KCNN2: variants seen among roughly 807,000 people sequenced by gnomAD.
KCNN2 encodes potassium calcium-activated channel subfamily N member 2.
Under a neutral mutation model 55.5 loss-of-function variants are expected in KCNN2, and 24 were observed. The ratio of observed to expected loss-of-function variants is 0.43; its 90% confidence interval spans 0.31 to 0.61. The LOEUF is 0.61. KCNN2 is among the 20% of genes least tolerant of loss of function. The pLI, the probability that KCNN2 is intolerant of heterozygous loss-of-function variation, is 0.08. For synonymous variants in KCNN2, 431 were observed against 336.1 expected (o/e 1.28, Z -3.09); for missense variants, 754 against 853.6 (o/e 0.88, Z 1.45).
At chr5:114,425,140 A>G (rs969658881) in intron 3 of KCNN2, among the ~76,000 whole-genome samples, 22 of 152,192 alleles carry the variant, frequency 1.4e-4, no homozygotes, top group African/African-American at 5.3e-4. Flanking sequence ...AAATTCAGTA[A>G]ATGAAAGATA....
exon 1 of KCNN2, chr5:114,056,347 C>T (rs772001120): frequency 3.8e-5 from 15 of 398,494 alleles, no homozygotes; most frequent in Non-Finnish European, 1.3e-5. Flanking sequence ...TGATTCTTCT[C>T]AGATGGAAAC....
At chr5:114,080,566 GAT>G (rs1250725985) in intron 1 of KCNN2, among the ~76,000 whole-genome samples, 4 of 152,120 alleles carry the variant, frequency 2.6e-5, no homozygotes, top group Non-Finnish European at 5.9e-5. Flanking sequence ...CAAACTCGTT[GAT>G]ATATAATTAT....
intron 1 of KCNN2, among the ~76,000 whole-genome samples, chr5:114,119,280 G>A (rs1323524401): frequency 6.6e-6 from 1 of 152,174 alleles, no homozygotes; most frequent in East Asian, 1.9e-4. Flanking sequence ...GAGTCCCATA[G>A]AGGGAGAGCA....
chr5:114,267,421 G>A (rs1017070195), intron 2 of KCNN2, among the ~76,000 whole-genome samples: 3 of 152,186 alleles, frequency 2.0e-5, no homozygotes, highest in East Asian at 1.9e-4. Flanking sequence ...TGCCCTTTAC[G>A]CCTTGCTGGG....
intron 2 of KCNN2, among the ~76,000 whole-genome samples, chr5:114,335,612 C>T (rs1031470989): frequency 1.3e-4 from 20 of 152,162 alleles, no homozygotes; most frequent in African/African-American, 4.8e-4. Context: ...TCTAAAAATA[C>T]AGACCTACTA....
intron 1 of KCNN2, among the ~76,000 whole-genome samples, chr5:114,125,831 T>C (rs1203407564): frequency 6.6e-6 from 1 of 152,202 alleles, no homozygotes; most frequent in Non-Finnish European, 1.5e-5. Flanking sequence ...TTTCCTCTTA[T>C]AAGTACAGCA....
At chr5:114,369,442 G>A (rs1054348398) in intron 2 of KCNN2, among the ~76,000 whole-genome samples, 2 of 152,168 alleles carry the variant, frequency 1.3e-5, no homozygotes, top group Non-Finnish European at 2.9e-5. Context: ...AGCTAAAAAA[G>A]TAGAAGAAAT....
intron 1 of KCNN2, among the ~76,000 whole-genome samples, chr5:114,085,363 C>T (rs919909674): frequency 3.3e-5 from 5 of 151,838 alleles, no homozygotes; most frequent in Non-Finnish European, 7.4e-5. Flanking sequence ...TCTTTAATTG[C>T]TCTCACTAGT....
At chr5:114,397,690 A>G (rs563803613) in intron 2 of KCNN2, among the ~76,000 whole-genome samples, 2 of 152,242 alleles carry the variant, frequency 1.3e-5, no homozygotes, top group African/African-American at 4.8e-5. Flanking sequence ...GCCTGGCCAC[A>G]TCTATTATTT....
chr5:114,233,411 A>G (rs1754403710), intron 2 of KCNN2, among the ~76,000 whole-genome samples: 1 of 152,172 alleles, frequency 6.6e-6, no homozygotes, highest in South Asian at 2.1e-4. Context: ...GATCACTCAT[A>G]TATATCTAAG....
intron 1 of KCNN2, among the ~76,000 whole-genome samples, chr5:114,133,308 C>CATAAAAATATAA (rs1752107432): frequency 3.3e-5 from 5 of 151,920 alleles, no homozygotes; most frequent in Admixed American, 2.6e-4. Flanking sequence ...TTTTATGATT[C>CATAAAAATATAA]TTTTCATACC....
intron 1 of KCNN2, among the ~76,000 whole-genome samples, chr5:114,059,796 A>T (rs944098423): frequency 1.4e-4 from 22 of 152,240 alleles, no homozygotes; most frequent in Non-Finnish European, 2.8e-4. Flanking sequence ...TGAAGGTCAA[A>T]CAAGGAAGAG....
intron 3 of KCNN2, among the ~76,000 whole-genome samples, chr5:114,458,273 C>T (rs944396884): frequency 2.8e-4 from 43 of 152,238 alleles, no homozygotes; most frequent in African/African-American, 9.6e-4. Flanking sequence ...TTTAGTATTA[C>T]TGGTAAATTT....
intron 1 of KCNN2, among the ~76,000 whole-genome samples, chr5:114,180,988 A>G: frequency 6.6e-6 from 1 of 152,280 alleles, no homozygotes; most frequent in South Asian, 2.1e-4. Context: ...TTTATTCTTA[A>G]GTAGTATTTC....
chr5:114,056,006 T>G, upstream of KCNN2: 5 of 204,854 alleles, frequency 2.4e-5, no homozygotes, highest in East Asian at 2.0e-4. Flanking sequence ...ACCCTGAGCA[T>G]TCGGGCCCCC....
chr5:114,357,569 G>T (rs1222813293), upstream of KCNN2, among the ~76,000 whole-genome samples: 1 of 125,742 alleles, frequency 8.0e-6, no homozygotes, highest in South Asian at 3.0e-4. Flanking sequence ...TTGTTCTTGC[G>T]ATAGTTTACT....
intron 1 of KCNN2, among the ~76,000 whole-genome samples, chr5:114,077,739 C>G (rs1750711410): frequency 6.6e-6 from 1 of 152,154 alleles, no homozygotes; most frequent in Non-Finnish European, 1.5e-5. Flanking sequence ...AGCATTAGAG[C>G]AGTTACACTG....
intron 3 of KCNN2, among the ~76,000 whole-genome samples, chr5:114,459,447 A>G (rs1050150321): frequency 1.3e-5 from 2 of 152,246 alleles, no homozygotes; most frequent in African/African-American, 4.8e-5. Flanking sequence ...ATTTTTAAAC[A>G]TTGTATTAAT....
intron 2 of KCNN2, among the ~76,000 whole-genome samples, chr5:114,275,311 T>G (rs1248967385): frequency 6.6e-6 from 1 of 152,208 alleles, no homozygotes; most frequent in Non-Finnish European, 1.5e-5. Context: ...TTGTTGTGTC[T>G]CTGCCAGGCT....
Sources: gnomAD v4.1 joint callset for allele counts (sites outside exome capture counted in the v4.1 genomes callset) on GRCh38, gnomAD v4.1.1 for gene constraint, MANE v1.5 for transcripts, NCBI Gene and HGNC (gene_info 2026-07-23, HGNC 2026-07-21) for gene names.